The following MYO9B variants were observed in gnomAD, a reference collection of about 807,000 sequenced individuals.
The protein encoded by MYO9B is unconventional myosin-IXb.
MYO9B carries 71 observed loss-of-function variants against 229.5 expected under a neutral mutation model. That is an observed-to-expected ratio of 0.31 (90% CI 0.26 to 0.38). The LOEUF is 0.38. Ranked by LOEUF, MYO9B falls within the 10% of genes least tolerant of loss-of-function variation. The pLI, the probability that MYO9B is intolerant of heterozygous loss-of-function variation, is 1.00. For missense variants in MYO9B, 2,255 were observed against 2,920.5 expected (o/e 0.77, Z 5.25); for synonymous variants, 1,185 against 1,235.8 (o/e 0.96, Z 0.86).
chr19:17,152,186 CAAA>C (rs537549171), intron 3 of MYO9B, among the ~76,000 whole-genome samples: 2 of 127,542 alleles, frequency 1.6e-5, no homozygotes, highest in South Asian at 2.5e-4. Context: ...GACTCCATCA[CAAA>C]AAAAAAAAAA....
intron 3 of MYO9B, among the ~76,000 whole-genome samples, chr19:17,148,437 T>C (rs886121306): frequency 2.0e-5 from 3 of 152,182 alleles, no homozygotes; most frequent in African/African-American, 7.2e-5. Flanking sequence ...AAGTCGGATA[T>C]CAAGGTGTCC....
chr19:17,123,736 G>A (rs779529225), intron 2 of MYO9B, among the ~76,000 whole-genome samples: 6 of 152,036 alleles, frequency 3.9e-5, no homozygotes, highest in Non-Finnish European at 5.9e-5. Context: ...AAAGATACAA[G>A]GAGAAACACA....
intron 8 of MYO9B, 97 bp from the exon 9 acceptor site, chr19:17,162,253 C>T (rs1343330192): frequency 3.2e-5 from 32 of 989,494 alleles, no homozygotes; most frequent in South Asian, 4.4e-5. Context: ...TGCAGTGAGC[C>T]GAGATCATGC....
chr19:17,211,995 G>T lies in MYO9B; in HGVS notation c.6159G>T (p.Thr2053=). 7.3e-7 allele frequency: 1 copy of T among 1,366,192 alleles called. No individual in the cohort carries two copies. The highest frequency in any genetic ancestry group is 4.5e-5 in the East Asian group (1 of 22,388). 84.6% of individuals were successfully genotyped at this position (1,366,192 alleles called of 1,614,324 possible). The change falls in exon 40 of 40, where the codon ACG becomes ACT. Residue 2053 remains threonine (T), a synonymous_variant. Transcript: ENST00000682292. ...GACGAAGGCCGTCGTCCTTCGTAAC[G>T]GTCAGAGTGAAGACCCCCCGGCGGA... ...PPRRRPSSFV[T]VRVKTPRRTP...
At chr19:17,080,341 T>G (rs760299579) in intron 1 of MYO9B, among the ~76,000 whole-genome samples, 4 of 152,194 alleles carry the variant, frequency 2.6e-5, no homozygotes, top group Non-Finnish European at 5.9e-5. Context: ...GCCAGACGTT[T>G]AAGATCACAT....
chr19:17,089,942 C>T (rs1211321671), intron 1 of MYO9B, among the ~76,000 whole-genome samples: 4 of 152,030 alleles, frequency 2.6e-5, no homozygotes, highest in Non-Finnish European at 5.9e-5. Flanking sequence ...TCCTCATCCC[C>T]TAGCTCCTGA....
intron 10 of MYO9B, among the ~76,000 whole-genome samples, chr19:17,165,110 TC>T (rs2072644969): frequency 6.6e-6 from 1 of 152,094 alleles, no homozygotes; most frequent in South Asian, 2.1e-4. Context: ...CCTCAAGTGA[TC>T]CTCCCACGTT....
chr19:17,159,913 C>T (rs934366866), intron 8 of MYO9B, among the ~76,000 whole-genome samples: 14 of 152,172 alleles, frequency 9.2e-5, no homozygotes, highest in Non-Finnish European at 1.9e-4. Flanking sequence ...AAAATAATGA[C>T]TCCTTCATCC....
chr19:17,079,386 C>T (rs768576550), intron 1 of MYO9B, among the ~76,000 whole-genome samples: 1 of 152,160 alleles, frequency 6.6e-6, no homozygotes, highest in Non-Finnish European at 1.5e-5. Flanking sequence ...CGAGGGTGGA[C>T]AGCGGGTGCC....
intron 13 of MYO9B, among the ~76,000 whole-genome samples, chr19:17,174,843 A>T (rs2072765944): frequency 6.6e-6 from 1 of 151,790 alleles, no homozygotes; most frequent in Admixed American, 6.6e-5. Context: ...CCGAGGCAGG[A>T]GAATCACTTA....
Position 17,205,981 on chromosome 19 carries a change from G to T in MYO9B, c.5086G>T (p.Gly1696Cys). The change falls in exon 32 of 40, where the codon GGC becomes TGC. Residue 1696 changes from glycine (G) to cysteine (C), a missense_variant. Physicochemically the swap from Gly to Cys is radical, Grantham distance 159. Around this residue, in one of 7 missense-constraint regions of MYO9B, gnomAD observed 416 missense variants for 605.5 expected, o/e 0.69. Transcript: ENST00000682292. Reference sequence around the variant, plus strand: ...GCAGGGCGAGCCAGGCGTTGAGCCTGGCCACTTCGGCGTGTGCGTAGACAG... The same window carrying T: ...GCAGGGCGAGCCAGGCGTTGAGCCTTGCCACTTCGGCGTGTGCGTAGACAG... The part of the protein sequence containing the change: ...GRKGEPGVEP[G>C]HFGVCVDSLT... The T allele has an allele frequency of 6.3e-7, 1 of 1,575,530 alleles. No homozygotes were observed. Among genetic ancestry groups the T allele is most frequent in the Non-Finnish European group, 8.6e-7 (1 of 1,158,820 alleles).
intron 36 of MYO9B, among the ~76,000 whole-genome samples, chr19:17,209,971 C>G (rs923808837): frequency 8.5e-5 from 13 of 152,174 alleles, no homozygotes; most frequent in Admixed American, 4.6e-4. Flanking sequence ...GCTGGGGCCA[C>G]CAGGCCCTGC....
intron 11 of MYO9B, among the ~76,000 whole-genome samples, chr19:17,171,226 CA>C (rs1335767217): frequency 6.6e-6 from 1 of 152,174 alleles, no homozygotes; most frequent in African/African-American, 2.4e-5. Context: ...CCTGTATTTT[CA>C]AAAGTGGGGC....
intron 15 of MYO9B, 170 bp from the exon 16 acceptor site, chr19:17,183,659 G>C (rs866986569): frequency 1.7e-6 from 1 of 600,306 alleles, no homozygotes; most frequent in African/African-American, 1.9e-5. Flanking sequence ...GGCACGCCAC[G>C]GTGTGCAGCG....
At chr19:17,160,729 C>T (rs2072590952) in intron 8 of MYO9B, among the ~76,000 whole-genome samples, 1 of 151,174 alleles carries the variant, frequency 6.6e-6, no homozygotes, top group Non-Finnish European at 1.5e-5. Flanking sequence ...GAGACAGTTT[C>T]GCTCCTGTTG....
chr19:17,183,972 A>G, intron 16 of MYO9B, 104 bp downstream of exon 16: 1 of 1,105,482 alleles, frequency 9.0e-7, no homozygotes, highest in Non-Finnish European at 1.3e-6. Context: ...CCTCCTTCCC[A>G]CTATCTCCCC....
Position 17,145,508 on chromosome 19 carries a change from G to C in MYO9B, c.935+17G>C, listed in dbSNP as rs746610661. 1.9e-6 allele frequency: 3 copies of C among 1,607,370 alleles called. No homozygotes were observed. In the East Asian group the frequency reaches 6.7e-5, roughly 36 times the overall value. On this transcript the variant is annotated intron_variant, in intron 3 of 39. Transcript: ENST00000682292. ...CGTGAGAGGGTGAGGTGTCCCTGGG[G>C]TCCCCACTGGTGGGAGCTGGCCCCA...
intron 6 of MYO9B, among the ~76,000 whole-genome samples, chr19:17,156,683 C>T (rs1375698774): frequency 6.6e-6 from 1 of 152,214 alleles, no homozygotes; most frequent in African/African-American, 2.4e-5. Flanking sequence ...TGTCACTGCA[C>T]TCCAACCTAG....
At position 17,195,457 on chromosome 19, in the gene MYO9B, G is replaced by T. The variant is rs1182743375; in HGVS notation, c.4030G>T (p.Ala1344Ser). Reference protein sequence around the residue: ...LSDRHRATGAALTPTEERRTS... With the variant: ...LSDRHRATGASLTPTEERRTS... ...CGACAGACACCGGGCCACAGGGGCC[G>T]CCCTCACGCCCACAGAGTAAGCCCC... The change falls in exon 22 of 40, where the codon GCC becomes TCC. Residue 1344 changes from alanine (A) to serine (S), a missense_variant. Around this residue, in one of 7 missense-constraint regions of MYO9B, gnomAD observed 679 missense variants for 770.2 expected, o/e 0.88. Transcript: ENST00000682292. The surrounding 1 kb of genome is among the most constrained non-coding windows in gnomAD (Gnocchi z 4.5). The T allele has an allele frequency of 1.9e-6, 3 of 1,597,890 alleles. No homozygotes were observed. Among genetic ancestry groups the T allele is most frequent in the African/African-American group, 2.7e-5 (2 of 74,850 alleles).
Sources: allele counts gnomAD v4.1 joint callset (sites outside exome capture counted in the v4.1 genomes callset), GRCh38; gene constraint gnomAD v4.1.1; regional missense constraint gnomAD v4.1.1; non-coding constraint Gnocchi (gnomAD v3.1); transcripts MANE v1.5; gene names NCBI Gene and HGNC (gene_info 2026-07-23, HGNC 2026-07-21).